The following CFAP263 variants were observed in gnomAD, a reference collection of about 807,000 sequenced individuals.
CFAP263 encodes cilia and flagella associated protein 263.
the CFAP263 span, among the ~76,000 whole-genome samples, chr16:58,276,092 T>A: frequency 6.6e-6 from 1 of 152,042 alleles, no homozygotes; most frequent in Non-Finnish European, 1.5e-5. Flanking sequence ...ATAAATAACT[T>A]CTATAGATCA....
chr16:58,265,715 A>G, the CFAP263 span, among the ~76,000 whole-genome samples: 83 of 152,200 alleles, frequency 5.5e-4, no homozygotes, highest in Non-Finnish European at 1.0e-3. Flanking sequence ...CTAAGCCACA[A>G]AAGTCTGTGG....
chr16:58,278,731 G>A, the CFAP263 span: 4 of 1,146,006 alleles, frequency 3.5e-6, no homozygotes, highest in Admixed American at 8.7e-5. Flanking sequence ...ACAGATGTTT[G>A]GATATGTAAT....
the CFAP263 span, among the ~76,000 whole-genome samples, chr16:58,269,122 C>T: frequency 6.6e-6 from 1 of 152,064 alleles, no homozygotes; most frequent in Non-Finnish European, 1.5e-5. Context: ...CATTTGAGGT[C>T]AGGAGTTCAA....
At chr16:58,253,640 C>T in the CFAP263 span, among the ~76,000 whole-genome samples, 1 of 152,220 alleles carries the variant, frequency 6.6e-6, no homozygotes, top group Admixed American at 6.5e-5. Flanking sequence ...CCCACGGATG[C>T]AGTTTCTTTC....
At chr16:58,256,554 G>A in the CFAP263 span, among the ~76,000 whole-genome samples, 1 of 152,208 alleles carries the variant, frequency 6.6e-6, no homozygotes, top group African/African-American at 2.4e-5. Flanking sequence ...GCTGCTTTAG[G>A]AAGTCAGGTT....
At chr16:58,254,138 A>G in the CFAP263 span, 28 of 1,614,190 alleles carry the variant, frequency 1.7e-5, no homozygotes, top group South Asian at 3.1e-4. Flanking sequence ...CAAATGCGGA[A>G]CGCGACCTGC....
At chr16:58,252,651 T>G in the CFAP263 span, 1 of 1,315,464 alleles carries the variant, frequency 7.6e-7, no homozygotes, top group South Asian at 1.2e-5. Context: ...TTTGCAGGTC[T>G]ACTAGTTATT....
chr16:58,255,647 C>A, the CFAP263 span, among the ~76,000 whole-genome samples: 7 of 151,730 alleles, frequency 4.6e-5, no homozygotes, highest in Non-Finnish European at 1.0e-4. Flanking sequence ...CCAGCTCCGC[C>A]TCCCAGGTTC....
the CFAP263 span, among the ~76,000 whole-genome samples, chr16:58,258,011 G>A: frequency 6.6e-6 from 1 of 151,826 alleles, no homozygotes; most frequent in Non-Finnish European, 1.5e-5. Flanking sequence ...AGGAGGCTGA[G>A]GCAGGAGAAT....
At chr16:58,258,979 G>GAAAA in the CFAP263 span, among the ~76,000 whole-genome samples, 1 of 138,354 alleles carries the variant, frequency 7.2e-6, no homozygotes, top group Non-Finnish European at 1.5e-5. Context: ...CTCCGTCTCA[G>GAAAA]AAAAAATAAA....
chr16:58,257,577 G>A, the CFAP263 span, among the ~76,000 whole-genome samples: 1 of 151,450 alleles, frequency 6.6e-6, no homozygotes, highest in Admixed American at 6.6e-5. Context: ...GGGACTACAG[G>A]CACCATACCT....
the CFAP263 span, among the ~76,000 whole-genome samples, chr16:58,277,532 A>G: frequency 9.9e-5 from 15 of 152,236 alleles, no homozygotes; most frequent in Admixed American, 4.6e-4. Flanking sequence ...CACGAAATTG[A>G]ATTACCATAG....
chr16:58,251,691 C>T, the CFAP263 span, among the ~76,000 whole-genome samples: 2 of 152,146 alleles, frequency 1.3e-5, no homozygotes, highest in African/African-American at 4.8e-5. Flanking sequence ...CACACCTGGC[C>T]CCACTAGTCT....
At chr16:58,280,617 T>C in the CFAP263 span, 3 of 1,614,122 alleles carry the variant, frequency 1.9e-6, no homozygotes, top group Non-Finnish European at 2.5e-6. Context: ...CAGCCTTGGA[T>C]GTGATCCATT....
At chr16:58,275,437 TG>T in the CFAP263 span, among the ~76,000 whole-genome samples, 151 of 152,346 alleles carry the variant, frequency 9.9e-4, no homozygotes, top group African/African-American at 3.3e-3. Flanking sequence ...AAGGTTTTTT[TG>T]TTTGTTTGTT....
At chr16:58,267,249 C>T in the CFAP263 span, among the ~76,000 whole-genome samples, 1 of 152,084 alleles carries the variant, frequency 6.6e-6, no homozygotes, top group African/African-American at 2.4e-5. Flanking sequence ...TTTAGGTCCC[C>T]GTGTGCCTGA....
the CFAP263 span, among the ~76,000 whole-genome samples, chr16:58,251,928 A>T: frequency 6.6e-6 from 1 of 152,260 alleles, no homozygotes. Flanking sequence ...TAGGTATGTT[A>T]TCTCTTCCTC....
chr16:58,280,998 G>C, the CFAP263 span: 4 of 486,098 alleles, frequency 8.2e-6, no homozygotes, highest in Admixed American at 1.1e-4. Flanking sequence ...TAGCTTCCTG[G>C]TTCATATTTC....
the CFAP263 span, among the ~76,000 whole-genome samples, chr16:58,255,858 C>T: frequency 3.7e-4 from 56 of 151,864 alleles, 1 homozygote; most frequent in South Asian, 7.1e-3. Context: ...CCATCGCGCC[C>T]GGCCCCTAGG....
Sources: allele counts gnomAD v4.1 joint callset (sites outside exome capture counted in the v4.1 genomes callset), GRCh38; gene constraint gnomAD v4.1.1; transcripts MANE v1.5; gene names NCBI Gene and HGNC (gene_info 2026-07-23, HGNC 2026-07-21).